Variants in MAPK8IP3 observed in about 807,000 individuals in gnomAD.
MAPK8IP3 encodes the protein C-Jun-amino-terminal kinase-interacting protein 3.
Under a neutral mutation model 157.8 loss-of-function variants are expected in MAPK8IP3, and 49 were observed. The ratio of observed to expected loss-of-function variants is 0.31; its 90% confidence interval spans 0.25 to 0.39. The LOEUF is 0.39. MAPK8IP3 is among the 10% of genes least tolerant of loss of function. The pLI is 1.00. For missense variants in MAPK8IP3, 1,478 were observed against 1,889.4 expected (o/e 0.78, Z 4.04); for synonymous variants, 897 against 777.7 (o/e 1.15, Z -2.55).
Position 1,731,651 on chromosome 16 carries a change from A to T in MAPK8IP3, c.602+2073A>T, listed in dbSNP as rs138422134. 3.3e-5 allele frequency among the ~76,000 whole-genome samples: 5 copies of T among 152,330 alleles called. No homozygotes were observed. The East Asian group carries it at 9.6e-4, about 29-fold the overall frequency. On this transcript the variant is annotated intron_variant, in intron 4 of 31. Transcript: ENST00000610761. ...AAGGAAATAGAACTGACCAGGATGC[A>T]TTGCTTTGAGGATTTCCTGTTAGTA... is the stretch of plus-strand genomic sequence containing the variant.
Position 1,724,942 on chromosome 16 carries a change from TG to T in MAPK8IP3, c.439+267del, listed in dbSNP as rs1386012753. 6.6e-5 allele frequency among the ~76,000 whole-genome samples: 10 copies of T among 152,322 alleles called. No individual in the cohort carries two copies. The highest frequency in any genetic ancestry group is 5.2e-4 in the Admixed American group (8 of 15,300). The stretch of plus-strand genomic sequence containing the variant: ...TTCTGACCCCCAGATCACAAGTCTG[TG>T]GTCCTGAAGGTCCTTCCTGAATCTT... On this transcript the variant is annotated intron_variant, in intron 2 of 31. Coordinates refer to ENST00000610761, the MANE Select transcript of MAPK8IP3 (RefSeq NM_001318852.2). The surrounding 1 kb of genome is among the most constrained non-coding windows in gnomAD (Gnocchi z 4.1).
At chr16:1,727,776 T>TA (rs1290829161) in intron 2 of MAPK8IP3, among the ~76,000 whole-genome samples, 5 of 152,118 alleles carry the variant, frequency 3.3e-5, no homozygotes, top group African/African-American at 1.2e-4. Context: ...GGGTGCCTGG[T>TA]AGAGATGCGA....
intron 4 of MAPK8IP3, among the ~76,000 whole-genome samples, chr16:1,737,650 G>GCA (rs2040102701): frequency 2.3e-5 from 2 of 86,602 alleles, no homozygotes; most frequent in Admixed American, 1.2e-4. Context: ...CCGTGTGACT[G>GCA]TCCGTGTGAG....
chr16:1,767,357 C>T lies in MAPK8IP3; in HGVS notation c.3237+60C>T, dbSNP rs375494562. The T allele has an allele frequency of 1.2e-3, 1,985 of 1,602,544 alleles. 8 individuals carry two copies. The highest frequency in any genetic ancestry group is 6.9e-3 in the African/African-American group (519 of 74,868). On this transcript the variant is annotated intron_variant, in intron 26 of 31. Transcript: ENST00000610761. Reference sequence around the variant, plus strand: ...GGCTCCTGCTGGCCAGCAGCTCTCCCGCATCTTCCATACGGAAGTCCACGA... The same window carrying T: ...GGCTCCTGCTGGCCAGCAGCTCTCCTGCATCTTCCATACGGAAGTCCACGA...
intron 4 of MAPK8IP3, 53 bp downstream of exon 4, chr16:1,729,631 A>G: frequency 1.3e-6 from 2 of 1,499,928 alleles, no homozygotes; most frequent in South Asian, 1.2e-5. Context: ...GGGCGGAGGT[A>G]CGCAGGACGC....
At chr16:1,711,414 C>T (rs747483470) in intron 1 of MAPK8IP3, among the ~76,000 whole-genome samples, 14 of 152,212 alleles carry the variant, frequency 9.2e-5, no homozygotes, top group Non-Finnish European at 2.1e-4. Context: ...AGCATGTCCT[C>T]AGGCCTCAGC....
At chr16:1,738,732 C>A (rs1204879783) in intron 4 of MAPK8IP3, among the ~76,000 whole-genome samples, 4 of 123,390 alleles carry the variant, frequency 3.2e-5, no homozygotes. Flanking sequence ...AGTGTGACCA[C>A]CCATGTGAGC....
chr16:1,768,641 G>T lies in MAPK8IP3; in HGVS notation c.3892+15G>T, dbSNP rs1458111831. 1.9e-6 allele frequency: 3 copies of T among 1,609,468 alleles called. No individual in the cohort carries two copies. The highest frequency in any genetic ancestry group is 2.5e-6 in the Non-Finnish European group (3 of 1,178,584). ...CTTCCGCATTGGTGAGCGGGGCCCA[G>T]GGACAGGGCTGAGGTTGGGCGCGGG... On this transcript the variant is annotated intron_variant, in intron 31 of 31. Coordinates refer to ENST00000610761, the MANE Select transcript of MAPK8IP3 (RefSeq NM_001318852.2).
rs552620181 is a variant in MAPK8IP3, at chr16:1,749,433, G to A, written c.1216+713G>A. On this transcript the variant is annotated intron_variant, in intron 8 of 31. Transcript: ENST00000610761. ...CCTAGGACCATTGACTTTGGAGGAG[G>A]TTGGGAGGGTGCCCACTTGCCCACT... 3.3e-5 allele frequency among the ~76,000 whole-genome samples: 5 copies of A among 152,312 alleles called. No individual in the cohort carries two copies. In the South Asian group the frequency reaches 6.2e-4, roughly 19 times the overall value.
rs58933347 is a variant in MAPK8IP3 at position 1,730,044 on chromosome 16, CAAAAAAAA to C, written c.602+488_602+495del. Among the ~76,000 whole-genome samples, 149 of 46,970 alleles carry C rather than the reference CAAAAAAAA, an allele frequency of 3.2e-3. 2 individuals carry two copies. The Middle Eastern group carries it at 0.054, about 17-fold the overall frequency. 30.8% of individuals were successfully genotyped at this position (46,970 alleles called of 152,430 possible). ...GGCAACCAGCAAGATCTTGTCTCTA[CAAAAAAAA>C]AAAAAAAAAAAAAAAAAAAAATTGT... On this transcript the variant is annotated intron_variant, in intron 4 of 31. Coordinates refer to ENST00000610761, the MANE Select transcript of MAPK8IP3 (RefSeq NM_001318852.2).
At chr16:1,722,562 T>C (rs1226839036) in intron 1 of MAPK8IP3, among the ~76,000 whole-genome samples, 1 of 152,074 alleles carries the variant, frequency 6.6e-6, no homozygotes, top group Non-Finnish European at 1.5e-5. Context: ...AGAAACTCTT[T>C]TGTCTTCAGA....
chr16:1,736,484 CCGTGAG>C (rs2039844358), intron 4 of MAPK8IP3, among the ~76,000 whole-genome samples: 18 of 26,628 alleles, frequency 6.8e-4, no homozygotes, highest in South Asian at 2.6e-3. Flanking sequence ...ATCCGTGTGA[CCGTGAG>C]CGTCCGTGTG....
chr16:1,737,003 ACC>A (rs1170790440), intron 4 of MAPK8IP3, among the ~76,000 whole-genome samples: 6 of 64,612 alleles, frequency 9.3e-5, no homozygotes, highest in Admixed American at 2.3e-4. Flanking sequence ...TGAGCGTGTG[ACC>A]GTCCGTGTGA....
intron 4 of MAPK8IP3, among the ~76,000 whole-genome samples, chr16:1,734,643 C>T (rs2039541306): frequency 6.6e-6 from 1 of 152,258 alleles, no homozygotes; most frequent in South Asian, 2.1e-4. Context: ...TATGCTGTTG[C>T]TGGGCAGTTG....
At position 1,758,974 on chromosome 16, in the gene MAPK8IP3, C is replaced by A; in HGVS notation, c.1229-4C>A. The A allele has an allele frequency of 6.2e-7, 1 of 1,614,176 alleles. No individual in the cohort carries two copies. The highest frequency in any genetic ancestry group is 8.5e-7 in the Non-Finnish European group (1 of 1,180,016). On this transcript the variant is annotated splice_polypyrimidine_tract_variant and splice_region_variant and intron_variant, in intron 9 of 31. Transcript: ENST00000610761. ...TCTCCTGTGGGACGGGGACGGCTCC[C>A]TAGTGCGCGATGATTTCTTTGGTAA...
intron 2 of MAPK8IP3, among the ~76,000 whole-genome samples, chr16:1,727,123 T>A (rs2038934401): frequency 6.6e-6 from 1 of 151,620 alleles, no homozygotes; most frequent in African/African-American, 2.4e-5. Context: ...GTGAGTGTCA[T>A]GTGCTGTGTG....
At chr16:1,709,363 G>C (rs906003181) in intron 1 of MAPK8IP3, among the ~76,000 whole-genome samples, 2 of 152,204 alleles carry the variant, frequency 1.3e-5, no homozygotes, top group African/African-American at 4.8e-5. Context: ...ACACACCCTG[G>C]GTCCATCCTC....
chr16:1,767,107 G>A (rs1452002747), intron 25 of MAPK8IP3, 42 bp from the exon 26 acceptor site: 2 of 1,606,904 alleles, frequency 1.2e-6, no homozygotes, highest in Non-Finnish European at 1.7e-6. Context: ...AGCAGAGGTG[G>A]GGCCTGGCCA....
chr16:1,706,452 G>C lies in MAPK8IP3; in HGVS notation c.113G>C (p.Arg38Pro). 6.2e-7 allele frequency: 1 copy of C among 1,613,946 alleles called. No individual in the cohort carries two copies. Among genetic ancestry groups the C allele is most frequent in the Non-Finnish European group, 8.5e-7 (1 of 1,179,960 alleles). Reference sequence around the variant, plus strand: ...TCGGGCCTGGCGGGCTCCATCTACCGCGAGTTCGAGCGCCTCATCCACTGC... The same window carrying C: ...TCGGGCCTGGCGGGCTCCATCTACCCCGAGTTCGAGCGCCTCATCCACTGC... ...RVSGLAGSIY[R>P]EFERLIHCYD... Residue 38 changes from arginine (R) to proline (P), a missense_variant, in exon 1 of 32, where the codon CGC becomes CCC. Transcript: ENST00000610761. This position sits in a 1 kb window ranked among gnomAD's most constrained non-coding sequence, Gnocchi z 5.1.
Sources: gnomAD v4.1 joint callset for allele counts (sites outside exome capture counted in the v4.1 genomes callset) on GRCh38, gnomAD v4.1.1 for gene constraint, Gnocchi (gnomAD v3.1) non-coding constraint, MANE v1.5 for transcripts, NCBI Gene and HGNC (gene_info 2026-07-23, HGNC 2026-07-21) for gene names.